The following WRN variants were observed in gnomAD, a reference collection of about 807,000 sequenced individuals.
WRN encodes the protein WRN RecQ like helicase, also known as bifunctional 3'-5' exonuclease/ATP-dependent helicase WRN.
In WRN, 149 loss-of-function variants were observed where a neutral mutation model predicts 180.7. The observed-to-expected ratio is 0.82, with a 90% CI of 0.72 to 0.94. The LOEUF (loss-of-function observed/expected upper bound fraction) is 0.94, where lower values mean the gene tolerates loss of function less well. WRN is among the 40% of genes least tolerant of loss of function. The pLI is 0.00. For synonymous variants in WRN, 548 were observed against 568.9 expected (o/e 0.96, Z 0.52); for missense variants, 1,661 against 1,700.1 (o/e 0.98, Z 0.40).
In WRN at chr8:31,129,011, G is replaced by GCTGT. The variant is rs1239885036; in HGVS notation, c.2826-3352_2826-3349dup. 5.9e-5 allele frequency among the ~76,000 whole-genome samples: 9 copies of GCTGT among 151,378 alleles called. No homozygotes were observed. In the East Asian group the frequency reaches 1.7e-3, roughly 29 times the overall value. On this transcript the variant is annotated intron_variant, in intron 23 of 34. Coordinates refer to ENST00000298139, the MANE Select transcript of WRN (RefSeq NM_000553.6). Reference sequence around the variant, plus strand: ...TTTTTTTGACATAGGGTCACTACAGGCTGTCACACAGGCTGGAGAGCAGTG... The same window carrying GCTGT: ...TTTTTTTGACATAGGGTCACTACAGGCTGTCTGTCACACAGGCTGGAGAGCAGTG...
chr8:31,145,371 A>G (rs527509826), intron 28 of WRN, among the ~76,000 whole-genome samples: 32 of 152,340 alleles, frequency 2.1e-4, no homozygotes, highest in Middle Eastern at 6.8e-3. Context: ...GAATTATGCT[A>G]TATCTACTCT....
intron 32 of WRN, 107 bp downstream of exon 32, chr8:31,154,862 CCTACAATAAAT>C: frequency 7.4e-7 from 1 of 1,351,078 alleles, no homozygotes; most frequent in Non-Finnish European, 1.0e-6. Context: ...TTCCTCCAAC[CCTACAATAAAT>C]CTCAGTTTAT....
chr8:31,069,309 T>C (rs529226572), intron 7 of WRN, among the ~76,000 whole-genome samples: 2 of 152,356 alleles, frequency 1.3e-5, no homozygotes, highest in East Asian at 3.9e-4. Flanking sequence ...TAGAAGAGTC[T>C]TTATTCTTAC....
intron 21 of WRN, among the ~76,000 whole-genome samples, chr8:31,122,034 T>C (rs1187431891): frequency 1.3e-5 from 2 of 152,018 alleles, no homozygotes; most frequent in African/African-American, 4.8e-5. Context: ...AGTTTTATAT[T>C]GTGCATTTGA....
At chr8:31,062,229 G>C (rs1458857721) in intron 3 of WRN, among the ~76,000 whole-genome samples, 1 of 151,926 alleles carries the variant, frequency 6.6e-6, no homozygotes, top group East Asian at 1.9e-4. Context: ...GTGGTGGGAG[G>C]GTGAGTCTGG....
intron 3 of WRN, among the ~76,000 whole-genome samples, chr8:31,060,077 A>C (rs997297377): frequency 2.0e-5 from 3 of 151,800 alleles, no homozygotes; most frequent in Non-Finnish European, 4.4e-5. Flanking sequence ...ATCCAAAAAA[A>C]CAACCCCACA....
At chr8:31,096,728 G>GTTTTTTTTTTTTTTTTTTTTCTTTTTTTT in intron 16 of WRN, 40 bp from the exon 17 acceptor site, 1 of 1,160,224 alleles carries the variant, frequency 8.6e-7, no homozygotes, top group Non-Finnish European at 1.2e-6. Context: ...TTCCCTTCCT[G>GTTTTTTTTTTTTTTTTTTTTCTTTTTTTT]TTTTTTTTTT....
At chr8:31,131,958 CTTTTTTTTT>C (rs71208103) in intron 23 of WRN, among the ~76,000 whole-genome samples, 6 of 123,110 alleles carry the variant, frequency 4.9e-5, no homozygotes, top group Admixed American at 1.7e-4. Flanking sequence ...AGCTGAAAGG[CTTTTTTTTT>C]TTTTTTTTTT....
intron 18 of WRN, among the ~76,000 whole-genome samples, chr8:31,105,518 A>G (rs1015268086): frequency 1.3e-5 from 2 of 152,012 alleles, no homozygotes; most frequent in South Asian, 2.1e-4. Flanking sequence ...CTGGAGTGCA[A>G]TGGCGTGAAC....
intron 7 of WRN, among the ~76,000 whole-genome samples, chr8:31,070,280 T>C (rs536813465): frequency 3.3e-5 from 5 of 152,094 alleles, no homozygotes; most frequent in African/African-American, 1.2e-4. Context: ...TGTTCTCTTA[T>C]TTTCTTCATG....
intron 17 of WRN, among the ~76,000 whole-genome samples, chr8:31,099,581 TGTC>T (rs898775575): frequency 3.3e-5 from 5 of 151,326 alleles, no homozygotes; most frequent in African/African-American, 9.7e-5. Context: ...TTTTTTTTTT[TGTC>T]TTTCTTCTCC....
chr8:31,118,571 A>T (rs1270486288), intron 20 of WRN, among the ~76,000 whole-genome samples: 1 of 151,940 alleles, frequency 6.6e-6, no homozygotes, highest in Admixed American at 6.6e-5. Context: ...AGAATTCTAG[A>T]TATTCACTTT....
intron 8 of WRN, among the ~76,000 whole-genome samples, chr8:31,080,235 A>T (rs998409738): frequency 6.6e-6 from 1 of 152,162 alleles, no homozygotes; most frequent in East Asian, 1.9e-4. Context: ...ATATTTTTAT[A>T]TATGTCAAGG....
intron 32 of WRN, among the ~76,000 whole-genome samples, chr8:31,156,180 A>C (rs1803378298): frequency 6.6e-6 from 1 of 152,162 alleles, no homozygotes; most frequent in Non-Finnish European, 1.5e-5. Flanking sequence ...AAAATTTGTT[A>C]TTGGCTCCAA....
chr8:31,145,412 C>T (rs1802819558), intron 28 of WRN, among the ~76,000 whole-genome samples: 1 of 152,150 alleles, frequency 6.6e-6, no homozygotes, highest in African/African-American at 2.4e-5. Context: ...ACAACAAAGT[C>T]TTGATGATAC....
rs754062727 is a variant in WRN at position 31,066,986 on chromosome 8, T to C, written c.505-47T>C. 5.6e-6 allele frequency: 9 copies of C among 1,608,588 alleles called. No individual in the cohort carries two copies. In the African/African-American group the frequency reaches 1.1e-4, roughly 19 times the overall value. On this transcript the variant is annotated intron_variant, in intron 5 of 34. Coordinates refer to ENST00000298139, the MANE Select transcript of WRN (RefSeq NM_000553.6). ...TCATTTGATATCATTTGGTAATACCTGAAAACAGGAACTGATTTTACTGTG... is the reference window on the plus strand; with the variant it reads ...TCATTTGATATCATTTGGTAATACCCGAAAACAGGAACTGATTTTACTGTG...
intron 16 of WRN, among the ~76,000 whole-genome samples, 170 bp downstream of exon 16, chr8:31,092,068 A>C (rs1235673228): frequency 6.6e-6 from 1 of 151,990 alleles, no homozygotes; most frequent in African/African-American, 2.4e-5. Context: ...ATACAAACAA[A>C]TTTTACTAAA....
At chr8:31,140,382 A>G (rs1271267906) in intron 24 of WRN, among the ~76,000 whole-genome samples, 1 of 152,196 alleles carries the variant, frequency 6.6e-6, no homozygotes, top group Non-Finnish European at 1.5e-5. Context: ...AGAGGCAGTA[A>G]GAGAACAAAG....
chr8:31,059,412 C>T, intron 3 of WRN, 147 bp downstream of exon 3: 3 of 659,342 alleles, frequency 4.5e-6, no homozygotes, highest in Non-Finnish European at 8.0e-6. Flanking sequence ...CCAAGTTTTA[C>T]ATTTCAAATA....
Sources: gnomAD v4.1 joint callset for allele counts (sites outside exome capture counted in the v4.1 genomes callset) on GRCh38, gnomAD v4.1.1 for gene constraint, MANE v1.5 for transcripts, NCBI Gene and HGNC (gene_info 2026-07-23, HGNC 2026-07-21) for gene names.